The following CAB39 variants were observed in gnomAD, a reference collection of about 807,000 sequenced individuals.
The protein encoded by CAB39 is calcium-binding protein 39.
A neutral mutation model predicts 40.0 loss-of-function variants in CAB39; 8 were observed. The ratio of observed to expected loss-of-function variants is 0.20; its 90% CI spans 0.12 to 0.36. The LOEUF (loss-of-function observed/expected upper bound fraction) is 0.36. CAB39 is among the 10% of genes least tolerant of loss of function. The probability of loss-of-function intolerance (pLI) is 1.00; values close to 1 mark genes in which losing one functional copy is unlikely to be tolerated. For synonymous variants in CAB39, 156 were observed against 141.6 expected, an observed-to-expected ratio of 1.10 and a Z score of -0.72; for missense variants, 270 against 401.1, an observed-to-expected ratio of 0.67 and a Z score of 2.79.
chr2:230,761,226 G>A (rs1559601366), intron 2 of CAB39, among the ~76,000 whole-genome samples: 2 of 152,114 alleles, frequency 1.3e-5, no homozygotes, highest in African/African-American at 4.8e-5. Flanking sequence ...TGAAGTTTGT[G>A]TACATTGAAG....
chr2:230,778,777 G>T (rs1469642826), intron 2 of CAB39, among the ~76,000 whole-genome samples: 1 of 152,168 alleles, frequency 6.6e-6, no homozygotes, highest in Non-Finnish European at 1.5e-5. Flanking sequence ...ATTTCTTCCA[G>T]CCTGTTGCTC....
chr2:230,816,501 G>C (rs1255736022), intron 7 of CAB39, among the ~76,000 whole-genome samples: 2 of 152,262 alleles, frequency 1.3e-5, no homozygotes, highest in East Asian at 3.9e-4. Context: ...AAGTAAAATA[G>C]ATTTGTTTTC....
chr2:230,761,145 T>C (rs1695282844), intron 2 of CAB39, among the ~76,000 whole-genome samples: 1 of 152,276 alleles, frequency 6.6e-6, no homozygotes, highest in East Asian at 1.9e-4. Flanking sequence ...TGAAATTCAT[T>C]TATGTTTTAT....
chr2:230,721,775 G>C (rs1467103240), intron 1 of CAB39, among the ~76,000 whole-genome samples: 1 of 152,178 alleles, frequency 6.6e-6, no homozygotes, highest in Non-Finnish European at 1.5e-5. Context: ...TGCAGAGCTT[G>C]TCAGAGTTTT....
At chr2:230,779,357 G>A (rs1695648883) in intron 2 of CAB39, 1 of 152,194 alleles carries the variant, frequency 6.6e-6, no homozygotes, top group Non-Finnish European at 1.5e-5. Context: ...GCACTTCTCA[G>A]AAGCCATAAG....
At chr2:230,741,876 A>G (rs1235171917) in intron 1 of CAB39, among the ~76,000 whole-genome samples, 3 of 152,196 alleles carry the variant, frequency 2.0e-5, no homozygotes, top group African/African-American at 7.2e-5. Flanking sequence ...GAAAAGTCAC[A>G]AATTCTTACA....
intron 2 of CAB39, among the ~76,000 whole-genome samples, chr2:230,789,120 G>T (rs1695848447): frequency 1.3e-5 from 2 of 151,990 alleles, no homozygotes; most frequent in Admixed American, 6.6e-5. Context: ...CTCTCTTTGT[G>T]TTTACTAACC....
chr2:230,760,056 C>G lies in CAB39; in HGVS notation c.55C>G (p.Leu19Val), dbSNP rs1575927068. The change falls in exon 2 of 9, where the codon CTG becomes GTG. Residue 19 changes from leucine to valine, a missense_variant. Physicochemically the swap from Leu to Val is conservative, Grantham distance 32. Coordinates refer to ENST00000258418, the MANE Select transcript of CAB39 (RefSeq NM_016289.4). The part of the protein sequence containing the change: ...HKSPADIVKN[L>V]KESMAVLEKQ... ...ATCTCCAGCAGACATTGTGAAGAAT[C>G]TGAAGGAGAGCATGGCTGTTCTGGA... The G allele has an allele frequency of 1.2e-6, 2 of 1,613,730 alleles. No individual in the cohort carries two copies. The highest frequency in any genetic ancestry group is 2.7e-5 in the African/African-American group (2 of 74,898).
chr2:230,807,412 C>G lies in CAB39; in HGVS notation c.568-2851C>G, dbSNP rs3792070. The stretch of plus-strand genomic sequence containing the variant: ...CTCTTTTCCTACTAGTGTTTTACCC[C>G]CCCAACCCCCCACCCCAGGCCTTTG... On this transcript the variant is annotated intron_variant, in intron 5 of 8. Transcript: ENST00000258418. Among the ~76,000 whole-genome samples the G allele has an allele frequency of 2.3e-4, 35 of 150,742 alleles. No homozygotes were observed. The East Asian group carries it at 6.5e-3, about 28-fold the overall frequency.
chr2:230,790,955 A>G lies in CAB39; in HGVS notation c.198A>G (p.Ala66=), dbSNP rs777164424. ...GTNEKEPQTE[A]VAQLAQELYN... ...ATGAAAAAGAGCCTCAGACAGAAGC[A>G]GTAGCTCAACTTGCTCAAGAACTCT... The change falls in exon 3 of 9, where the codon GCA becomes GCG. Residue 66 remains alanine (A), a synonymous_variant. Transcript: ENST00000258418. 6.2e-7 allele frequency: 1 copy of G among 1,612,926 alleles called. No homozygotes were observed. The highest frequency in any genetic ancestry group is 1.1e-5 in the South Asian group (1 of 91,042).
rs1695265718 is a variant in CAB39, at chr2:230,760,175, A to G, written c.114+60A>G. ...TTAATTAGCAAATGCAAGACACCTT[A>G]TATGAGGAATCAGTAAGTCCCAATT... On this transcript the variant is annotated intron_variant, in intron 2 of 8. Transcript: ENST00000258418. 12 of 1,001,050 alleles carry G rather than the reference A, an allele frequency of 1.2e-5. No homozygotes were observed. In the South Asian group the frequency reaches 1.4e-4, roughly 12 times the overall value. The allele number at this position is 1,001,050 out of a possible 1,614,324, so 62.0% of individuals were successfully genotyped here. A position where few individuals can be genotyped will look rare whatever the true frequency, so the allele number is the denominator to read the frequency against.
At chr2:230,788,260 T>A (rs1391365512) in intron 2 of CAB39, among the ~76,000 whole-genome samples, 1 of 151,578 alleles carries the variant, frequency 6.6e-6, no homozygotes, top group Non-Finnish European at 1.5e-5. Context: ...TTTTTTTTTT[T>A]AAGTGGTTGC....
intron 2 of CAB39, among the ~76,000 whole-genome samples, chr2:230,775,705 A>G (rs746248489): frequency 3.3e-5 from 5 of 152,170 alleles, no homozygotes; most frequent in Middle Eastern, 3.2e-3. Flanking sequence ...TTCCTCATGC[A>G]TGGTTGCCTT....
intron 1 of CAB39, among the ~76,000 whole-genome samples, chr2:230,740,692 G>C (rs1694861349): frequency 6.6e-6 from 1 of 152,090 alleles, no homozygotes; most frequent in Non-Finnish European, 1.5e-5. Flanking sequence ...TCACGCTCCT[G>C]TGAGATCCAG....
chr2:230,751,285 G>A (rs1695081369), intron 1 of CAB39, among the ~76,000 whole-genome samples: 1 of 152,080 alleles, frequency 6.6e-6, no homozygotes, highest in Non-Finnish European at 1.5e-5. Flanking sequence ...GTCTAGGAAT[G>A]TGTTGTCATT....
intron 8 of CAB39, chr2:230,818,109 A>G (rs1319136525): frequency 2.6e-5 from 14 of 528,610 alleles, no homozygotes; most frequent in Non-Finnish European, 1.3e-5. Flanking sequence ...AGGTTTGTTC[A>G]TAGAAGAGTG....
At chr2:230,745,118 T>A (rs1242427782) in intron 1 of CAB39, among the ~76,000 whole-genome samples, 1 of 152,244 alleles carries the variant, frequency 6.6e-6, no homozygotes, top group East Asian at 1.9e-4. Context: ...CCCATTTCAT[T>A]AAGTACTCAT....
intron 2 of CAB39, chr2:230,779,325 C>G (rs1695648074): frequency 1.3e-5 from 2 of 152,244 alleles, no homozygotes. Flanking sequence ...TACGGCTGCT[C>G]TGTACAGCCA....
intron 2 of CAB39, among the ~76,000 whole-genome samples, chr2:230,770,648 C>T (rs1377218009): frequency 6.6e-6 from 1 of 152,106 alleles, no homozygotes; most frequent in Non-Finnish European, 1.5e-5. Context: ...TAAAATAAAA[C>T]CTACAGACTA....
Sources: gnomAD v4.1 joint callset for allele counts (sites outside exome capture counted in the v4.1 genomes callset) on GRCh38, gnomAD v4.1.1 for gene constraint, MANE v1.5 for transcripts, NCBI Gene and HGNC (gene_info 2026-07-23, HGNC 2026-07-21) for gene names.